The following BCCIP variants were observed in gnomAD, a reference collection of about 807,000 sequenced individuals.
BCCIP encodes BRCA2 and CDKN1A-interacting protein.
Under a neutral mutation model 32.8 loss-of-function variants are expected in BCCIP, and 23 were observed. The ratio of observed to expected loss-of-function variants is 0.70; its 90% CI spans 0.51 to 0.99. The LOEUF is 0.99. Among genes scored for constraint, BCCIP ranks in the 50% least tolerant of loss-of-function variants. The pLI, the probability that BCCIP is intolerant of heterozygous loss-of-function variation, is 0.00. For synonymous variants in BCCIP, 144 were observed against 137.6 expected (o/e 1.05, Z -0.33); for missense variants, 378 against 379.8 (o/e 1.00, Z 0.04).
chr10:125,832,936 G>A (rs916704682), intron 5 of BCCIP, among the ~76,000 whole-genome samples: 4 of 151,280 alleles, frequency 2.6e-5, no homozygotes, highest in African/African-American at 4.9e-5. Context: ...CCAACATGGC[G>A]AAACCCCAAT....
At chr10:125,827,141 T>TA (rs1399105569) in intron 2 of BCCIP, among the ~76,000 whole-genome samples, 1 of 152,054 alleles carries the variant, frequency 6.6e-6, no homozygotes, top group African/African-American at 2.4e-5. Flanking sequence ...TTTTTTTTTT[T>TA]AATTCACAAT....
Position 125,841,869 on chromosome 10 carries a change from T to G in BCCIP, c.*510T>G, listed in dbSNP as rs756666817. ...ATGATGATTCCAAATTCAGAAAGATTTCCATCATTATCCAGTGCTGCCAGA... is the reference window on the plus strand; with the variant it reads ...ATGATGATTCCAAATTCAGAAAGATGTCCATCATTATCCAGTGCTGCCAGA... On this transcript the variant is annotated 3_prime_UTR_variant, in exon 7 of 7. Coordinates refer to the BCCIP transcript ENST00000299130. The G allele has an allele frequency of 2.0e-5, 32 of 1,613,770 alleles. No individual in the cohort carries two copies. In the South Asian group the frequency reaches 3.1e-4, roughly 16 times the overall value.
At chr10:125,832,864 C>T (rs1854556804) in intron 5 of BCCIP, among the ~76,000 whole-genome samples, 1 of 148,926 alleles carries the variant, frequency 6.7e-6, no homozygotes, top group Non-Finnish European at 1.5e-5. Flanking sequence ...CTTGTAATTC[C>T]AACACTTTGG....
chr10:125,836,142 G>C lies in BCCIP; in HGVS notation c.813G>C (p.Glu271Asp). Residue 271 changes from glutamate (E) to aspartate (D), a missense_variant, in exon 7 of 7, where the codon GAG becomes GAC. Physicochemically the swap from Glu to Asp is conservative, Grantham distance 45. Coordinates refer to ENST00000278100, the MANE Select transcript of BCCIP (RefSeq NM_078468.3). ...ILKFNYSVQE[E>D]SDTCLGGKWS... ...AGTTCAACTACTCAGTGCAGGAGGAGAGCGACACTTGTCTGGGAGGCAAAT... is the reference window on the plus strand; with the variant it reads ...AGTTCAACTACTCAGTGCAGGAGGACAGCGACACTTGTCTGGGAGGCAAAT... The C allele has an allele frequency of 6.2e-7, 1 of 1,614,200 alleles. No individual in the cohort carries two copies.
At chr10:125,826,947 G>A (rs1029212130) in intron 2 of BCCIP, among the ~76,000 whole-genome samples, 3 of 148,972 alleles carry the variant, frequency 2.0e-5, no homozygotes, top group African/African-American at 7.5e-5. Flanking sequence ...CTGCAGCTAT[G>A]AATGTGCCAT....
chr10:125,841,653 TC>T, exon 7 of BCCIP: 1 of 1,524,632 alleles, frequency 6.6e-7, no homozygotes, highest in Non-Finnish European at 8.7e-7. Flanking sequence ...TGCTCTGTGC[TC>T]CTCAAAATAT....
Position 125,833,788 on chromosome 10 carries a change from G to T in BCCIP, c.616G>T (p.Ala206Ser), listed in dbSNP as rs1211931813. 1 of 1,613,938 alleles carries T rather than the reference G, an allele frequency of 6.2e-7. No individual in the cohort carries two copies. Among genetic ancestry groups the T allele is most frequent in the Non-Finnish European group, 8.5e-7 (1 of 1,180,006 alleles). The change falls in exon 6 of 7, where the codon GCA becomes TCA. Residue 206 changes from alanine (A) to serine (S), a missense_variant. Transcript: ENST00000278100. ...GCCTTGCAGGAAAGAACTGGCGGGG[G>T]CACACAGAACCAATAAGCCATGTGG... is the stretch of plus-strand genomic sequence containing the variant. The part of the protein sequence containing the change: ...YQQLQKELAG[A>S]HRTNKPCGKC...
chr10:125,832,944 A>C (rs1239684638), intron 5 of BCCIP, among the ~76,000 whole-genome samples: 1 of 151,166 alleles, frequency 6.6e-6, no homozygotes, highest in East Asian at 2.0e-4. Flanking sequence ...GCGAAACCCC[A>C]ATTCTACTAA....
In BCCIP at chr10:125,841,897, A is replaced by C. The variant is rs1253713762; in HGVS notation, c.*538A>C. On this transcript the variant is annotated 3_prime_UTR_variant, in exon 7 of 7. Transcript: ENST00000299130. ...CATCATTATCCAGTGCTGCCAGATA[A>C]TCTAAGTCTTCCAATGCCTGCATCA... 3.1e-6 allele frequency: 5 copies of C among 1,606,504 alleles called. No individual in the cohort carries two copies. The highest frequency in any genetic ancestry group is 4.2e-6 in the Non-Finnish European group (5 of 1,178,256).
exon 7 of BCCIP, chr10:125,842,080 A>G (rs557117222): frequency 9.7e-7 from 1 of 1,036,096 alleles, no homozygotes; most frequent in Non-Finnish European, 1.3e-6. Flanking sequence ...AATACCAGGG[A>G]GTGAAGGATA....
At chr10:125,848,433 A>G (rs1030309657) in intron 7 of BCCIP, among the ~76,000 whole-genome samples, 2 of 152,200 alleles carry the variant, frequency 1.3e-5, no homozygotes, top group African/African-American at 4.8e-5. Context: ...AATTTTACAG[A>G]TGAGAAAAAG....
Position 125,836,330 on chromosome 10 carries a change from G to T in BCCIP, c.*56G>T. ...TTTTGTAAAATTACCAGAAAACTCA[G>T]TGGAGATTTACTGAAAAACTCAGAC... On this transcript the variant is annotated 3_prime_UTR_variant, in exon 7 of 7. Coordinates refer to ENST00000278100, the MANE Select transcript of BCCIP (RefSeq NM_078468.3). 2 of 1,611,472 alleles carry T rather than the reference G, an allele frequency of 1.2e-6. No individual in the cohort carries two copies. Among genetic ancestry groups the T allele is most frequent in the South Asian group, 1.1e-5 (1 of 90,688 alleles).
intron 7 of BCCIP, chr10:125,852,692 T>A (rs1007104520): frequency 6.6e-7 from 1 of 1,504,330 alleles, no homozygotes; most frequent in Non-Finnish European, 9.0e-7. Context: ...CATGATTCAG[T>A]AGGCTCACTG....
At position 125,826,625 on chromosome 10, in the gene BCCIP, CAG is replaced by C. The variant is rs749611747; in HGVS notation, c.202_203del (p.Asp68Ter). 115 of 1,613,572 alleles carry C rather than the reference CAG, an allele frequency of 7.1e-5. No homozygotes were observed. The highest frequency in any genetic ancestry group is 9.6e-5 in the Non-Finnish European group (113 of 1,179,802). ...ATTGAATTTGAAGCTTATTCCCTAT[CAG>C]ATAATGATTATGACGGAATTAAGAA... On this transcript the variant is annotated frameshift_variant, in exon 2 of 7. Transcript: ENST00000278100. LOFTEE classifies it high-confidence loss of function.
exon 7 of BCCIP, chr10:125,841,913 G>A (rs758252946): frequency 1.3e-6 from 2 of 1,598,774 alleles, no homozygotes; most frequent in South Asian, 2.3e-5. Flanking sequence ...GTCTTCCAAT[G>A]CCTGCATCAA....
chr10:125,833,354 A>G (rs1301779517), intron 5 of BCCIP, among the ~76,000 whole-genome samples: 1 of 152,250 alleles, frequency 6.6e-6, no homozygotes. Flanking sequence ...AGACTGTGGT[A>G]GTAGTCACAG....
chr10:125,852,195 T>C, intron 7 of BCCIP: 1 of 1,426,442 alleles, frequency 7.0e-7, no homozygotes, highest in South Asian at 1.3e-5. Context: ...TCCATGCTTG[T>C]GTGCATTGCT....
chr10:125,851,846 G>A (rs1275501777), intron 7 of BCCIP, among the ~76,000 whole-genome samples: 1 of 148,670 alleles, frequency 6.7e-6, no homozygotes, highest in East Asian at 2.0e-4. Flanking sequence ...ACTTGAGCCT[G>A]TGAGGTGGAG....
chr10:125,844,106 C>T (rs1854949842), downstream of BCCIP, among the ~76,000 whole-genome samples: 1 of 152,086 alleles, frequency 6.6e-6, no homozygotes, highest in Non-Finnish European at 1.5e-5. Context: ...TGAGAAATCA[C>T]AATCATGGGA....
Sources: allele counts gnomAD v4.1 joint callset (sites outside exome capture counted in the v4.1 genomes callset), GRCh38; gene constraint gnomAD v4.1.1; transcripts MANE v1.5; gene names NCBI Gene and HGNC (gene_info 2026-07-23, HGNC 2026-07-21).